The following PLCL1 variants were observed in gnomAD, a reference collection of about 807,000 sequenced individuals.
The protein encoded by PLCL1 is inactive phospholipase C-like protein 1.
In PLCL1, 41 loss-of-function variants were observed where a neutral mutation model predicts 84.4. That is an observed-to-expected ratio of 0.49 (90% CI 0.38 to 0.63). The LOEUF is 0.63. Ranked by LOEUF, PLCL1 falls within the 30% of genes least tolerant of loss-of-function variation. The pLI is 0.00. For missense variants in PLCL1, 1,206 were observed against 1,367.8 expected (o/e 0.88, Z 1.87); for synonymous variants, 490 against 488.3 (o/e 1.00, Z -0.05).
chr2:198,066,402 C>T (rs1271281342), intron 1 of PLCL1, among the ~76,000 whole-genome samples: 1 of 152,150 alleles, frequency 6.6e-6, no homozygotes, highest in African/African-American at 2.4e-5. Flanking sequence ...GTTGCCCAAA[C>T]CAGAGATCTG....
Position 197,805,240 on chromosome 2 carries a change from C to T in PLCL1, c.141C>T (p.Ser47=). Residue 47 remains serine (S), a synonymous_variant, in exon 1 of 6, where the codon AGC becomes AGT. Transcript: ENST00000428675. This position sits in a 1 kb window ranked among gnomAD's most constrained non-coding sequence, Gnocchi z 4.0. ...GGGGCCGGATGAGGGACCGTCGCAG[C>T]GGGGTCGCACTGCCAGGCGCCGCGG... ...ASGGRMRDRR[S]GVALPGAAGT... 1 of 1,268,272 alleles carries T rather than the reference C, an allele frequency of 7.9e-7. No homozygotes were observed. Among genetic ancestry groups the T allele is most frequent in the Non-Finnish European group, 9.9e-7 (1 of 1,008,590 alleles). The allele number at this position is 1,268,272 out of a possible 1,614,324, so 78.6% of individuals were successfully genotyped here. A position where few individuals can be genotyped will look rare whatever the true frequency, so the allele number is the denominator to read the frequency against.
At chr2:198,093,469 A>G (rs1693104452) in intron 3 of PLCL1, among the ~76,000 whole-genome samples, 3 of 152,160 alleles carry the variant, frequency 2.0e-5, no homozygotes, top group African/African-American at 7.2e-5. Flanking sequence ...AATACAGTCT[A>G]ACCACCCCCC....
chr2:197,987,157 C>A (rs528870430), intron 1 of PLCL1, among the ~76,000 whole-genome samples: 1 of 152,310 alleles, frequency 6.6e-6, no homozygotes, highest in African/African-American at 2.4e-5. Context: ...GAGACCTTTT[C>A]ACCAGAAACA....
intron 1 of PLCL1, among the ~76,000 whole-genome samples, chr2:197,807,530 C>G (rs1456620274): frequency 6.6e-6 from 1 of 151,752 alleles, no homozygotes; most frequent in African/African-American, 2.4e-5. Context: ...TCTCTGAGAT[C>G]AAGAACCTTT....
intron 1 of PLCL1, among the ~76,000 whole-genome samples, chr2:197,839,286 A>G (rs1372954393): frequency 6.6e-6 from 1 of 152,244 alleles, no homozygotes; most frequent in Non-Finnish European, 1.5e-5. Context: ...AAACAAATGT[A>G]TGCTCTAAAT....
rs747353547 is a variant in PLCL1, at chr2:198,086,209, A to G, written c.2692A>G (p.Ile898Val). The change falls in exon 2 of 6, where the codon ATA (isoleucine) becomes GTA (valine). Residue 898 changes from isoleucine (I) to valine (V), a missense_variant. Physicochemically the swap from Ile to Val is conservative, Grantham distance 29. Coordinates refer to ENST00000428675, the MANE Select transcript of PLCL1 (RefSeq NM_006226.4). ...KIAVHPLREA[I>V]DMRENMQNAI... ...AGCGGTTCATCCATTACGAGAAGCC[A>G]TAGATATGAGAGAAAATATGCAGGT... 5.0e-6 allele frequency: 8 copies of G among 1,611,238 alleles called. No homozygotes were observed. In the Admixed American group the frequency reaches 1.2e-4, roughly 24 times the overall value.
intron 1 of PLCL1, among the ~76,000 whole-genome samples, chr2:197,987,564 T>C (rs1427369306): frequency 2.6e-5 from 4 of 152,204 alleles, no homozygotes; most frequent in Non-Finnish European, 2.9e-5. Context: ...GATACTCATT[T>C]TGTGAATGAA....
At chr2:198,030,075 TG>T (rs1261653407) in intron 1 of PLCL1, among the ~76,000 whole-genome samples, 2 of 152,104 alleles carry the variant, frequency 1.3e-5, no homozygotes, top group Non-Finnish European at 2.9e-5. Context: ...AACCAAGTCA[TG>T]GGGGTTTGCT....
At chr2:198,048,134 A>G (rs1390366091) in intron 1 of PLCL1, among the ~76,000 whole-genome samples, 1 of 152,248 alleles carries the variant, frequency 6.6e-6, no homozygotes, top group Non-Finnish European at 1.5e-5. Context: ...CTTTATAAAG[A>G]AGCAAGTTGG....
intron 1 of PLCL1, among the ~76,000 whole-genome samples, chr2:198,077,636 T>G (rs1692610978): frequency 6.6e-6 from 1 of 152,270 alleles, no homozygotes; most frequent in Non-Finnish European, 1.5e-5. Context: ...AAGGTTCTAT[T>G]TATCCCTTTA....
At chr2:197,935,719 A>G (rs570978406) in intron 1 of PLCL1, among the ~76,000 whole-genome samples, 1 of 152,250 alleles carries the variant, frequency 6.6e-6, no homozygotes, top group Non-Finnish European at 1.5e-5. Context: ...GTGACACACA[A>G]TTTACCTATA....
intron 1 of PLCL1, among the ~76,000 whole-genome samples, chr2:197,838,846 C>T (rs1264015058): frequency 6.6e-6 from 1 of 152,142 alleles, no homozygotes; most frequent in Admixed American, 6.5e-5. Flanking sequence ...ATCAGTGGTT[C>T]AGTTGTAATT....
intron 1 of PLCL1, among the ~76,000 whole-genome samples, chr2:197,984,784 T>C (rs1215039619): frequency 6.6e-6 from 1 of 152,238 alleles, no homozygotes; most frequent in East Asian, 1.9e-4. Context: ...CTGTTATTAC[T>C]TCGTTGGCTT....
intron 1 of PLCL1, among the ~76,000 whole-genome samples, chr2:197,810,506 A>G (rs982854446): frequency 1.3e-5 from 2 of 152,248 alleles, no homozygotes; most frequent in African/African-American, 4.8e-5. Flanking sequence ...GAGACTGAAT[A>G]GTGTTTTCCC....
intron 1 of PLCL1, among the ~76,000 whole-genome samples, chr2:197,950,796 T>C (rs1689376034): frequency 6.6e-6 from 1 of 152,198 alleles, no homozygotes; most frequent in Admixed American, 6.5e-5. Context: ...TATATGTGGA[T>C]ATTAACCTTT....
At chr2:197,940,593 A>T (rs1689139722) in intron 1 of PLCL1, among the ~76,000 whole-genome samples, 2 of 152,206 alleles carry the variant, frequency 1.3e-5, no homozygotes, top group African/African-American at 4.8e-5. Context: ...TGTGACAGAG[A>T]TTATGTTATA....
At chr2:197,873,519 A>G (rs902043994) in intron 1 of PLCL1, among the ~76,000 whole-genome samples, 4 of 152,260 alleles carry the variant, frequency 2.6e-5, no homozygotes, top group Middle Eastern at 3.4e-3. Flanking sequence ...CAAAGTAGCA[A>G]GCATGCTGGC....
chr2:198,037,661 A>T (rs764018981), intron 1 of PLCL1, among the ~76,000 whole-genome samples: 1 of 152,238 alleles, frequency 6.6e-6, no homozygotes, highest in Non-Finnish European at 1.5e-5. Flanking sequence ...TTCTGTGCTT[A>T]CAAAGAGTCA....
intron 1 of PLCL1, among the ~76,000 whole-genome samples, chr2:197,841,532 T>A (rs537752626): frequency 2.6e-4 from 40 of 152,384 alleles, no homozygotes; most frequent in Non-Finnish European, 4.7e-4. Flanking sequence ...CATGTCTTTT[T>A]GTGGCTTGAT....
Sources: gnomAD v4.1 joint callset for allele counts (sites outside exome capture counted in the v4.1 genomes callset) on GRCh38, gnomAD v4.1.1 for gene constraint, Gnocchi (gnomAD v3.1) non-coding constraint, MANE v1.5 for transcripts, NCBI Gene and HGNC (gene_info 2026-07-23, HGNC 2026-07-21) for gene names.